Variants in CEP164 observed in about 807,000 individuals in gnomAD.
CEP164 encodes the protein centrosomal protein of 164 kDa.
CEP164 carries 162 observed loss-of-function variants against 182.7 expected under a neutral mutation model. The observed-to-expected ratio is 0.89, with a 90% CI of 0.78 to 1.01. CEP164 has a LOEUF of 1.01. Among genes scored for constraint, CEP164 ranks in the 50% least tolerant of loss-of-function variants. The probability of loss-of-function intolerance (pLI) is 0.00; values close to 1 mark genes in which losing one functional copy is unlikely to be tolerated. For synonymous variants in CEP164, 661 were observed against 690.0 expected (o/e 0.96, Z 0.66); for missense variants, 1,735 against 1,790.4 (o/e 0.97, Z 0.56).
intron 9 of CEP164, among the ~76,000 whole-genome samples, chr11:117,372,846 GT>G (rs1221161610): frequency 1.3e-5 from 2 of 152,204 alleles, no homozygotes; most frequent in Non-Finnish European, 2.9e-5. Flanking sequence ...ACATTTGGCT[GT>G]GTTCTGCCCC....
intron 3 of CEP164, among the ~76,000 whole-genome samples, chr11:117,342,304 G>A (rs2038234988): frequency 6.6e-6 from 1 of 152,104 alleles, no homozygotes; most frequent in South Asian, 2.1e-4. Context: ...CCTAGTTCCC[G>A]GGTATGTCAA....
chr11:117,371,446 G>A lies in CEP164; in HGVS notation c.1132G>A (p.Gly378Ser). ...GAAGAAGGCTTCTGCTCTGGAAGAGGGCAGTTCAGACGCCAGCCAAGTAAG... is the reference window on the plus strand; with the variant it reads ...GAAGAAGGCTTCTGCTCTGGAAGAGAGCAGTTCAGACGCCAGCCAAGTAAG... Reference protein sequence around the residue: ...PKKKASALEEGSSDASQELEI... With the variant: ...PKKKASALEESSSDASQELEI... Residue 378 changes from glycine to serine, a missense_variant, in exon 9 of 33, where the codon GGC becomes AGC. Gly to Ser is a moderately conservative substitution (Grantham distance 56). Coordinates refer to ENST00000278935, the MANE Select transcript of CEP164 (RefSeq NM_014956.5). 1 of 1,612,134 alleles carries A rather than the reference G, an allele frequency of 6.2e-7. No individual in the cohort carries two copies. The highest frequency in any genetic ancestry group is 8.5e-7 in the Non-Finnish European group (1 of 1,179,270).
chr11:117,377,192 TGGGGCCAGGGGTGG>T (rs761495869), intron 11 of CEP164, among the ~76,000 whole-genome samples: 8 of 146,936 alleles, frequency 5.4e-5, no homozygotes, highest in Non-Finnish European at 1.2e-4. Flanking sequence ...TTTTTCCAGA[TGGGGCCAGGGGTGG>T]GGGCATTAGA....
chr11:117,330,319 G>T (rs2036001820), intron 1 of CEP164, among the ~76,000 whole-genome samples: 1 of 152,168 alleles, frequency 6.6e-6, no homozygotes, highest in Non-Finnish European at 1.5e-5. Flanking sequence ...CAGGTTTGTA[G>T]CCCTAACACG....
Position 117,344,310 on chromosome 11 carries a change from G to A in CEP164, c.194+33G>A, listed in dbSNP as rs368034714. On this transcript the variant is annotated intron_variant, in intron 4 of 32. Transcript: ENST00000278935. ...AGCAGGGGGTGCGGCCACTGACTTGGCCTAGCAGAGGCAGAGGGAAGCTAA... is the reference window on the plus strand; with the variant it reads ...AGCAGGGGGTGCGGCCACTGACTTGACCTAGCAGAGGCAGAGGGAAGCTAA... The A allele has an allele frequency of 1.8e-5, 26 of 1,459,532 alleles. No homozygotes were observed. In the African/African-American group the frequency reaches 2.9e-4, roughly 16 times the overall value. The allele number at this position is 1,459,532 out of a possible 1,614,324, so 90.4% of individuals were successfully genotyped here.
At position 117,392,412 on chromosome 11, in the gene CEP164, A is replaced by G. The variant is rs896094430; in HGVS notation, c.2362-84A>G. 2.7e-5 allele frequency: 42 copies of G among 1,567,080 alleles called. 1 individual carries two copies. The South Asian group carries it at 4.5e-4, about 17-fold the overall frequency. ...TCTCCAGCCCTGGGGGATGGATGCC[A>G]GGTCCTCAGAACACATCCCCACACA... On this transcript the variant is annotated intron_variant, in intron 18 of 32. Transcript: ENST00000278935.
chr11:117,350,770 GT>G (rs1200910538), intron 4 of CEP164, among the ~76,000 whole-genome samples: 8 of 151,980 alleles, frequency 5.3e-5, no homozygotes, highest in Non-Finnish European at 8.8e-5. Context: ...TGCCTCTCCA[GT>G]GGGTTTTTTT....
At chr11:117,330,505 C>T (rs924151345) in intron 1 of CEP164, among the ~76,000 whole-genome samples, 4 of 152,082 alleles carry the variant, frequency 2.6e-5, no homozygotes, top group Non-Finnish European at 4.4e-5. Context: ...AAAAATTAGC[C>T]GGGCGTGGTG....
chr11:117,339,407 T>A (rs937109795), intron 3 of CEP164, among the ~76,000 whole-genome samples: 8 of 152,108 alleles, frequency 5.3e-5, no homozygotes, highest in African/African-American at 1.9e-4. Flanking sequence ...TAGAGCAGTG[T>A]TTTTTTAAAC....
chr11:117,376,164 C>T (rs1458387048), intron 11 of CEP164, among the ~76,000 whole-genome samples: 2 of 152,206 alleles, frequency 1.3e-5, no homozygotes, highest in Non-Finnish European at 2.9e-5. Flanking sequence ...ATCTGCTGCT[C>T]GCTATTGCTG....
intron 1 of CEP164, among the ~76,000 whole-genome samples, chr11:117,333,923 C>G (rs2036616116): frequency 6.6e-6 from 1 of 152,308 alleles, no homozygotes; most frequent in South Asian, 2.1e-4. Context: ...TGCTTCTTGC[C>G]TCGTGTTGCC....
At position 117,362,404 on chromosome 11, in the gene CEP164, C is replaced by A. The variant is rs2041100006; in HGVS notation, c.553C>A (p.Pro185Thr). The change falls in exon 7 of 33, where the codon CCT becomes ACT. Residue 185 changes from proline (P) to threonine (T), a missense_variant and splice_region_variant. By Grantham distance (38) the Pro-to-Thr change is conservative. Transcript: ENST00000278935. ...SGRQLGELML[P>T]SQGLKTSAYT... The stretch of plus-strand genomic sequence containing the variant: ...TTGACTGTCCTTCTCTATTTTGAAG[C>A]CTTCACAGGGTCTCAAGACCTCTGC... 3 of 1,610,594 alleles carry A rather than the reference C, an allele frequency of 1.9e-6. No individual in the cohort carries two copies. Among genetic ancestry groups the A allele is most frequent in the Non-Finnish European group, 2.5e-6 (3 of 1,177,978 alleles).
At chr11:117,333,664 G>T (rs1444699365) in intron 1 of CEP164, among the ~76,000 whole-genome samples, 3 of 152,030 alleles carry the variant, frequency 2.0e-5, no homozygotes, top group Non-Finnish European at 4.4e-5. Context: ...CTGTAGCTGG[G>T]ACTACAGGTA....
chr11:117,321,918 G>C (rs1483446077), intron 1 of CEP164, among the ~76,000 whole-genome samples: 1 of 151,834 alleles, frequency 6.6e-6, no homozygotes, highest in African/African-American at 2.4e-5. Context: ...GGCTGGTCTT[G>C]AACTCCAGGC....
At chr11:117,392,833 G>A (rs139019960) in intron 19 of CEP164, among the ~76,000 whole-genome samples, 171 bp from the exon 20 acceptor site, 2,004 of 152,272 alleles carry the variant, frequency 0.013, 37 homozygotes, top group Middle Eastern at 0.02. Flanking sequence ...TGGGGAGGGG[G>A]TGTTGGGGTA....
intron 23 of CEP164, 78 bp from the exon 24 acceptor site, chr11:117,395,469 C>T (rs1312628898): frequency 2.0e-6 from 3 of 1,470,532 alleles, no homozygotes; most frequent in Non-Finnish European, 2.7e-6. Flanking sequence ...TTTGGCTTCC[C>T]TACCCTCTCG....
At position 117,412,481 on chromosome 11, in the gene CEP164, T is replaced by C. The variant is rs2047461834; in HGVS notation, c.*313T>C. Reference sequence around the variant, plus strand: ...GAAGGGAGGCGTTAGAGGAGCTGCCTTCGGAGGCTCAGGGAGTCCCTTTGG... The same window carrying C: ...GAAGGGAGGCGTTAGAGGAGCTGCCCTCGGAGGCTCAGGGAGTCCCTTTGG... On this transcript the variant is annotated 3_prime_UTR_variant, in exon 33 of 33. Transcript: ENST00000278935. The C allele has an allele frequency of 7.3e-6, 2 of 274,570 alleles. No homozygotes were observed. The highest frequency in any genetic ancestry group is 1.8e-4 in the East Asian group (2 of 11,398). 17.0% of individuals were successfully genotyped at this position (274,570 alleles called of 1,614,324 possible). A position where few individuals can be genotyped will look rare whatever the true frequency, so the allele number is the denominator to read the frequency against.
chr11:117,412,328 C>T lies in CEP164; in HGVS notation c.*160C>T, dbSNP rs540913963. 2 of 606,748 alleles carry T rather than the reference C, an allele frequency of 3.3e-6. No individual in the cohort carries two copies. The highest frequency in any genetic ancestry group is 5.7e-5 in the East Asian group (2 of 35,206). The allele number at this position is 606,748 out of a possible 1,614,324, so 37.6% of individuals were successfully genotyped here. ...GGGGTTGAGTGGAACAGTAAAGCCA[C>T]ACATTCTGTGACTATATAACCTATC... On this transcript the variant is annotated 3_prime_UTR_variant, in exon 33 of 33. Coordinates refer to ENST00000278935, the MANE Select transcript of CEP164 (RefSeq NM_014956.5).
intron 4 of CEP164, among the ~76,000 whole-genome samples, chr11:117,348,962 C>T (rs1056392742): frequency 2.0e-5 from 3 of 152,076 alleles, no homozygotes; most frequent in South Asian, 2.1e-4. Context: ...TTGTAGCATG[C>T]GTGAGAATTC....
Sources: allele counts gnomAD v4.1 joint callset (sites outside exome capture counted in the v4.1 genomes callset), GRCh38; gene constraint gnomAD v4.1.1; transcripts MANE v1.5; gene names NCBI Gene and HGNC (gene_info 2026-07-23, HGNC 2026-07-21).